The following CTNNA3 variants were observed in gnomAD, a reference collection of about 807,000 sequenced individuals.
CTNNA3 encodes catenin alpha 3, also known as catenin alpha-3.
CTNNA3 carries 76 observed loss-of-function variants against 95.7 expected under a neutral mutation model. That is an observed-to-expected ratio of 0.79 (90% CI 0.66 to 0.96). The LOEUF (loss-of-function observed/expected upper bound fraction) is 0.96, where lower values mean the gene tolerates loss of function less well. Among genes scored for constraint, CTNNA3 ranks in the 40% least tolerant of loss-of-function variants. The pLI is 0.00. For missense variants in CTNNA3, 1,191 were observed against 1,089.8 expected (o/e 1.09, Z -1.31); for synonymous variants, 431 against 374.4 (o/e 1.15, Z -1.74).
chr10:66,903,229 A>G (rs1011528813), intron 7 of CTNNA3, among the ~76,000 whole-genome samples: 1 of 152,214 alleles, frequency 6.6e-6, no homozygotes, highest in Non-Finnish European at 1.5e-5. Context: ...CAACATACAC[A>G]AATCAGTAAA....
At position 67,151,157 on chromosome 10, in the gene CTNNA3, T is replaced by C. The variant is rs576688189; in HGVS notation, c.1047+29160A>G. On this transcript the variant is annotated intron_variant, in intron 7 of 17. Coordinates refer to ENST00000433211, the MANE Select transcript of CTNNA3 (RefSeq NM_013266.4). ...TTTCCAATAGTGCTTGTTTTTCTTA[T>C]AAGGTGAGAAGAAAGGCCTTCCTTT... Among the ~76,000 whole-genome samples, 14 of 152,302 alleles carry C rather than the reference T, an allele frequency of 9.2e-5. No individual in the cohort carries two copies. In the South Asian group the frequency reaches 2.7e-3, roughly 29 times the overall value.
At chr10:65,941,624 G>A (rs1426724404) in intron 17 of CTNNA3, among the ~76,000 whole-genome samples, 2 of 152,172 alleles carry the variant, frequency 1.3e-5, no homozygotes, top group Non-Finnish European at 2.9e-5. Context: ...ATTTGTGCAA[G>A]TATAAACTCT....
At chr10:67,294,306 G>A (rs1406801572) in intron 5 of CTNNA3, among the ~76,000 whole-genome samples, 1 of 152,124 alleles carries the variant, frequency 6.6e-6, no homozygotes, top group South Asian at 2.1e-4. Context: ...CAAGATATAG[G>A]TGGGGAAAAA....
intron 7 of CTNNA3, among the ~76,000 whole-genome samples, chr10:66,842,122 T>C (rs542348065): frequency 6.6e-6 from 1 of 152,092 alleles, no homozygotes; most frequent in African/African-American, 2.4e-5. Flanking sequence ...TTCTTTTTTT[T>C]TGGAGAGATG....
At chr10:66,197,502 C>G (rs2087042765) in intron 13 of CTNNA3, among the ~76,000 whole-genome samples, 1 of 152,128 alleles carries the variant, frequency 6.6e-6, no homozygotes, top group Non-Finnish European at 1.5e-5. Flanking sequence ...TAACTAACCT[C>G]TAATTATTCA....
intron 7 of CTNNA3, among the ~76,000 whole-genome samples, chr10:67,035,439 C>A (rs892429834): frequency 1.3e-5 from 2 of 151,966 alleles, no homozygotes; most frequent in African/African-American, 2.4e-5. Flanking sequence ...GAAGTTGTTG[C>A]TCTTGTAGAT....
At chr10:67,472,439 A>C (rs1847862512) in intron 5 of CTNNA3, among the ~76,000 whole-genome samples, 2 of 152,180 alleles carry the variant, frequency 1.3e-5, no homozygotes, top group Admixed American at 1.3e-4. Flanking sequence ...AATGGCAATG[A>C]AAGCCATCTC....
At chr10:65,948,282 A>AG (rs2077553910) in intron 17 of CTNNA3, among the ~76,000 whole-genome samples, 1 of 90,952 alleles carries the variant, frequency 1.1e-5, no homozygotes, top group Non-Finnish European at 2.5e-5. Context: ...CTCCATCTCA[A>AG]AAAAAAAAAA....
At chr10:66,577,116 C>G (rs1843030650) in intron 10 of CTNNA3, among the ~76,000 whole-genome samples, 1 of 150,830 alleles carries the variant, frequency 6.6e-6, no homozygotes, top group South Asian at 2.1e-4. Flanking sequence ...TTGTTGGCCA[C>G]ATGTATGTCT....
intron 1 of CTNNA3, among the ~76,000 whole-genome samples, chr10:67,748,294 C>T (rs1204824058): frequency 2.0e-5 from 3 of 152,198 alleles, no homozygotes; most frequent in South Asian, 4.1e-4. Flanking sequence ...CCCCAAGAAA[C>T]ATAACCATCA....
At chr10:66,630,755 C>T (rs1284463286) in intron 9 of CTNNA3, among the ~76,000 whole-genome samples, 5 of 152,116 alleles carry the variant, frequency 3.3e-5, no homozygotes, top group Admixed American at 2.0e-4. Flanking sequence ...CTCTGCTTCC[C>T]TTGGTAGTAA....
At chr10:66,340,427 T>C (rs1227046052) in intron 12 of CTNNA3, among the ~76,000 whole-genome samples, 1 of 151,838 alleles carries the variant, frequency 6.6e-6, no homozygotes. Context: ...AATTTAGAGA[T>C]GGTAGAGCTG....
intron 5 of CTNNA3, among the ~76,000 whole-genome samples, chr10:67,521,307 G>A (rs1839977733): frequency 6.6e-6 from 1 of 152,052 alleles, no homozygotes; most frequent in Non-Finnish European, 1.5e-5. Flanking sequence ...TACAAAAGGA[G>A]GCAATTAAAA....
intron 10 of CTNNA3, among the ~76,000 whole-genome samples, chr10:66,578,791 T>TG (rs1843088179): frequency 6.6e-6 from 1 of 150,730 alleles, no homozygotes; most frequent in African/African-American, 2.4e-5. Flanking sequence ...TTTCTTTTTT[T>TG]TTTTTTGTTT....
intron 10 of CTNNA3, among the ~76,000 whole-genome samples, chr10:66,591,267 G>A (rs1243828204): frequency 6.6e-6 from 1 of 152,068 alleles, no homozygotes; most frequent in Non-Finnish European, 1.5e-5. Flanking sequence ...AGTACTGAGT[G>A]GTATATAAAA....
At chr10:67,027,628 G>C (rs1430083752) in intron 7 of CTNNA3, among the ~76,000 whole-genome samples, 1 of 151,666 alleles carries the variant, frequency 6.6e-6, no homozygotes, top group Non-Finnish European at 1.5e-5. Context: ...GTAGAGACAG[G>C]GTTTCACCAT....
intron 7 of CTNNA3, among the ~76,000 whole-genome samples, chr10:67,028,083 T>C (rs1853499797): frequency 6.6e-6 from 1 of 152,152 alleles, no homozygotes; most frequent in African/African-American, 2.4e-5. Flanking sequence ...ACTGCTATAT[T>C]CGTTTATTCT....
At chr10:66,556,652 AT>A (rs1842399672) in intron 10 of CTNNA3, among the ~76,000 whole-genome samples, 1 of 152,066 alleles carries the variant, frequency 6.6e-6, no homozygotes, top group Admixed American at 6.6e-5. Flanking sequence ...TGATCCACTT[AT>A]ATGTGAAATA....
intron 16 of CTNNA3, among the ~76,000 whole-genome samples, chr10:65,980,789 G>A (rs1250132192): frequency 1.3e-5 from 2 of 151,948 alleles, no homozygotes; most frequent in East Asian, 3.9e-4. Flanking sequence ...ACAAAATCCA[G>A]CATCCCTTTA....
Sources: gnomAD v4.1 joint callset for allele counts (sites outside exome capture counted in the v4.1 genomes callset) on GRCh38, gnomAD v4.1.1 for gene constraint, MANE v1.5 for transcripts, NCBI Gene and HGNC (gene_info 2026-07-23, HGNC 2026-07-21) for gene names.